ALPK1: variants seen among roughly 807,000 people sequenced by gnomAD.
ALPK1 encodes alpha-protein kinase 1.
ALPK1 carries 110 observed loss-of-function variants against 120.6 expected under a neutral mutation model. The ratio of observed to expected loss-of-function variants is 0.91; its 90% confidence interval spans 0.78 to 1.07. ALPK1 has a LOEUF of 1.07. Ranked by LOEUF, ALPK1 falls within the 50% of genes least tolerant of loss-of-function variation. The pLI, the probability that ALPK1 is intolerant of heterozygous loss-of-function variation, is 0.00. For missense variants in ALPK1, 1,498 were observed against 1,483.9 expected (o/e 1.01, Z -0.16); for synonymous variants, 582 against 560.3 (o/e 1.04, Z -0.55).
At chr4:112,329,494 C>A (rs1729266023) in intron 2 of ALPK1, among the ~76,000 whole-genome samples, 1 of 152,220 alleles carries the variant, frequency 6.6e-6, no homozygotes, top group Admixed American at 6.5e-5. Flanking sequence ...AAGCCCTTGG[C>A]TCTCAGGATG....
At chr4:112,313,929 T>C (rs1461833362) in intron 1 of ALPK1, among the ~76,000 whole-genome samples, 3 of 152,094 alleles carry the variant, frequency 2.0e-5, no homozygotes, top group South Asian at 2.1e-4. Flanking sequence ...TAACTACTGA[T>C]GAAAGTGAGA....
chr4:112,356,861 A>G, intron 2 of ALPK1: 1 of 736,272 alleles, frequency 1.4e-6, no homozygotes, highest in Non-Finnish European at 2.5e-6. Flanking sequence ...CCTTAAGGGG[A>G]CGGTCGTGAT....
intron 2 of ALPK1, among the ~76,000 whole-genome samples, chr4:112,351,067 G>A (rs944171470): frequency 2.0e-5 from 3 of 152,192 alleles, no homozygotes; most frequent in African/African-American, 7.2e-5. Context: ...CAGCTATGTG[G>A]GCCAGGCTAA....
At chr4:112,379,046 T>C (rs981880125) in intron 3 of ALPK1, among the ~76,000 whole-genome samples, 1 of 152,208 alleles carries the variant, frequency 6.6e-6, no homozygotes, top group Admixed American at 6.5e-5. Context: ...CTATAGAATA[T>C]GCTCTATGGC....
chr4:112,412,790 AT>A (rs1259971738), intron 5 of ALPK1, among the ~76,000 whole-genome samples: 1 of 152,144 alleles, frequency 6.6e-6, no homozygotes, highest in Non-Finnish European at 1.5e-5. Context: ...GGACTGGTTC[AT>A]TTTCTGATTG....
intron 10 of ALPK1, among the ~76,000 whole-genome samples, chr4:112,429,848 AAAAAAAG>A: frequency 1.4e-5 from 2 of 144,968 alleles, no homozygotes; most frequent in Non-Finnish European, 1.5e-5. Flanking sequence ...TCAAAAAAAA[AAAAAAAG>A]AAAAGAAAAG....
chr4:112,373,097 CAA>C (rs1184080483), intron 2 of ALPK1, among the ~76,000 whole-genome samples: 2 of 152,228 alleles, frequency 1.3e-5, no homozygotes, highest in African/African-American at 4.8e-5. Context: ...TCACGCCAAG[CAA>C]AGTTTGTTCT....
At chr4:112,352,313 C>T (rs1281454831) in intron 2 of ALPK1, among the ~76,000 whole-genome samples, 1 of 152,158 alleles carries the variant, frequency 6.6e-6, no homozygotes, top group Non-Finnish European at 1.5e-5. Flanking sequence ...CCATGTGCTT[C>T]CTTTACATCT....
intron 2 of ALPK1, among the ~76,000 whole-genome samples, chr4:112,334,443 A>AAAAAG (rs1390871923): frequency 1.1e-3 from 162 of 151,628 alleles, no homozygotes; most frequent in African/African-American, 3.7e-3. Context: ...AAAAAAAAAA[A>AAAAAG]AAAAGAAAAG....
At chr4:112,305,912 C>T (rs772180882) in intron 1 of ALPK1, among the ~76,000 whole-genome samples, 6 of 151,926 alleles carry the variant, frequency 3.9e-5, no homozygotes, top group Non-Finnish European at 5.9e-5. Context: ...TATTATTTTG[C>T]AATACATCCC....
chr4:112,379,869 G>C (rs1258295720), intron 3 of ALPK1, among the ~76,000 whole-genome samples: 1 of 152,182 alleles, frequency 6.6e-6, no homozygotes, highest in Admixed American at 6.5e-5. Flanking sequence ...GTGCCTCACA[G>C]GACATTCTGA....
chr4:112,324,056 G>A (rs766566659), intron 2 of ALPK1, among the ~76,000 whole-genome samples: 9 of 152,160 alleles, frequency 5.9e-5, no homozygotes, highest in South Asian at 4.1e-4. Flanking sequence ...GGCCAGGCGT[G>A]GTGGCTCATG....
chr4:112,316,392 A>G (rs1393158198), intron 2 of ALPK1: 1 of 152,222 alleles, frequency 6.6e-6, no homozygotes, highest in Admixed American at 6.5e-5. Flanking sequence ...GCATGTACAT[A>G]CCAATTTTGT....
intron 2 of ALPK1, chr4:112,357,768 C>CG: frequency 2.7e-6 from 3 of 1,126,764 alleles, no homozygotes; most frequent in Non-Finnish European, 4.1e-6. Context: ...ACATCGCCCG[C>CG]ATGGTGCCCT....
intron 4 of ALPK1, chr4:112,383,677 A>G (rs1036371445): frequency 1.3e-5 from 2 of 152,242 alleles, no homozygotes; most frequent in Non-Finnish European, 2.9e-5. Flanking sequence ...TAATAACTAT[A>G]ACTTAACTAT....
intron 2 of ALPK1, among the ~76,000 whole-genome samples, chr4:112,328,325 C>T (rs1729206364): frequency 6.6e-6 from 1 of 152,224 alleles, no homozygotes; most frequent in South Asian, 2.1e-4. Flanking sequence ...GTCACTGATA[C>T]AAGAGCAAGA....
In ALPK1 at chr4:112,425,761, TG is replaced by T. The variant is rs754737048; in HGVS notation, c.622+11del. ...ATTCTGCAAAAGCTGGGTACAATCA[TG>T]TAAAACTTGCATTTCTCAAGGCTCA... On this transcript the variant is annotated intron_variant, in intron 7 of 15. Transcript: ENST00000650871. 8 of 1,605,278 alleles carry T rather than the reference TG, an allele frequency of 5.0e-6. No individual in the cohort carries two copies. In the South Asian group the frequency reaches 5.6e-5, roughly 11 times the overall value.
chr4:112,332,259 C>T (rs1036593871), intron 2 of ALPK1, among the ~76,000 whole-genome samples: 2 of 152,152 alleles, frequency 1.3e-5, no homozygotes, highest in Non-Finnish European at 2.9e-5. Context: ...AGTTAATTTG[C>T]CTGTATAATA....
intron 3 of ALPK1, 104 bp downstream of exon 3, chr4:112,378,002 G>T: frequency 7.3e-6 from 9 of 1,236,778 alleles, no homozygotes; most frequent in South Asian, 2.5e-5. Context: ...TCTTCTCTTG[G>T]CAGATGACCA....
Sources: allele counts gnomAD v4.1 joint callset (sites outside exome capture counted in the v4.1 genomes callset), GRCh38; gene constraint gnomAD v4.1.1; transcripts MANE v1.5; gene names NCBI Gene and HGNC (gene_info 2026-07-23, HGNC 2026-07-21).